Variants in FANCI observed in about 807,000 individuals in gnomAD.
FANCI encodes the protein FA complementation group I.
A neutral mutation model predicts 176.1 loss-of-function variants in FANCI; 156 were observed. The observed-to-expected ratio is 0.89, with a 90% CI of 0.78 to 1.01. The LOEUF (loss-of-function observed/expected upper bound fraction) is 1.01. Among genes scored for constraint, FANCI ranks in the 50% least tolerant of loss-of-function variants. The probability of loss-of-function intolerance (pLI) is 0.00; values close to 1 mark genes in which losing one functional copy is unlikely to be tolerated. For missense variants in FANCI, 1,678 were observed against 1,534.1 expected (o/e 1.09, Z -1.57); for synonymous variants, 613 against 541.7 (o/e 1.13, Z -1.83).
In FANCI at chr15:89,292,779, A is replaced by G. The variant is rs1489220940; in HGVS notation, c.2084A>G (p.Glu695Gly). The change falls in exon 21 of 38, where the codon GAA becomes GGA. Residue 695 changes from glutamate (E) to glycine (G), a missense_variant. Glu to Gly is a moderately conservative substitution (Grantham distance 98). Coordinates refer to ENST00000310775, the MANE Select transcript of FANCI (RefSeq NM_001113378.2). ...CAGGGAGAGGAGGAAGAGGAGGAGG[A>G]AGAGGCATTCTACGAAGACCTAGAT... The part of the protein sequence containing the change: ...LQQGEEEEEE[E>G]EAFYEDLDDI... The G allele has an allele frequency of 6.2e-7, 1 of 1,614,016 alleles. No individual in the cohort carries two copies. Among genetic ancestry groups the G allele is most frequent in the Non-Finnish European group, 8.5e-7 (1 of 1,179,966 alleles).
chr15:89,294,141 A>C, intron 23 of FANCI, 144 bp downstream of exon 23: 1 of 896,628 alleles, frequency 1.1e-6, no homozygotes, highest in Non-Finnish European at 1.8e-6. Flanking sequence ...AAAGCTGGAC[A>C]ATCCTAGGTA....
At position 89,281,263 on chromosome 15, in the gene FANCI, C is replaced by G; in HGVS notation, c.1475C>G (p.Pro492Arg). The change falls in exon 15 of 38, where the codon CCC (proline) becomes CGC (arginine). Residue 492 changes from proline (P) to arginine (R), a missense_variant. Physicochemically the swap from Pro to Arg is moderately radical, Grantham distance 103. Coordinates refer to ENST00000310775, the MANE Select transcript of FANCI (RefSeq NM_001113378.2). ...GCTTTTGACTATTTGTCCTTTCTGC[C>G]CCTTCAGACTGTACAAAGGCTGCTT... is the stretch of plus-strand genomic sequence containing the variant. ...TEAFDYLSFL[P>R]LQTVQRLLKA... 2.5e-6 allele frequency: 4 copies of G among 1,613,816 alleles called. No homozygotes were observed. Among genetic ancestry groups the G allele is most frequent in the Non-Finnish European group, 3.4e-6 (4 of 1,179,850 alleles).
At chr15:89,290,682 A>C (rs966614756) in intron 19 of FANCI, 2 of 182,488 alleles carry the variant, frequency 1.1e-5, no homozygotes, top group Non-Finnish European at 2.3e-5. Flanking sequence ...TCCTTTCTGC[A>C]CTTTTCAGTT....
intron 1 of FANCI, among the ~76,000 whole-genome samples, chr15:89,246,201 T>C (rs2051961408): frequency 6.6e-6 from 1 of 152,194 alleles, no homozygotes; most frequent in Admixed American, 6.5e-5. Flanking sequence ...ACTCACTGAA[T>C]TCTATCTGCT....
Position 89,306,028 on chromosome 15 carries a change from C to G in FANCI, c.3371C>G (p.Thr1124Ser). 6 of 1,614,178 alleles carry G rather than the reference C, an allele frequency of 3.7e-6. 1 individual carries two copies. Among genetic ancestry groups the G allele is most frequent in the African/African-American group, 2.7e-5 (2 of 75,044 alleles). Residue 1124 changes from threonine (T) to serine (S), a missense_variant, in exon 32 of 38, where the codon ACC (threonine) becomes AGC (serine). Physicochemically the swap from Thr to Ser is moderately conservative, Grantham distance 58 (BLOSUM62 1). Coordinates refer to ENST00000310775, the MANE Select transcript of FANCI (RefSeq NM_001113378.2). ...TLSEEASSQA[T>S]LPNQPVEKAI... The stretch of plus-strand genomic sequence containing the variant: ...TTAGAAGAGGCCTCTTCTCAGGCAA[C>G]CCTACCAAATCAGCCTGTTGAGAAA...
At chr15:89,304,175 T>G (rs1479133689) in intron 28 of FANCI, among the ~76,000 whole-genome samples, 1 of 152,224 alleles carries the variant, frequency 6.6e-6, no homozygotes, top group Non-Finnish European at 1.5e-5. Flanking sequence ...AACATATGCC[T>G]ATGACTCAAC....
intron 10 of FANCI, 126 bp downstream of exon 10, chr15:89,268,651 C>A: frequency 6.4e-6 from 6 of 935,700 alleles, no homozygotes; most frequent in Middle Eastern, 3.5e-4. Context: ...TGGAGGATCT[C>A]TTTTTTTTTT....
chr15:89,255,700 G>A (rs769023475), intron 2 of FANCI, among the ~76,000 whole-genome samples: 9 of 152,156 alleles, frequency 5.9e-5, no homozygotes, highest in Admixed American at 1.3e-4. Flanking sequence ...TGTTAACTTG[G>A]TAGTTACAGT....
intron 3 of FANCI, among the ~76,000 whole-genome samples, chr15:89,260,056 T>G (rs1392644924): frequency 1.3e-5 from 2 of 152,162 alleles, no homozygotes; most frequent in African/African-American, 4.8e-5. Flanking sequence ...ACCGCCAAAC[T>G]GTTTTCCAAT....
In FANCI at chr15:89,263,909, C is replaced by T; in HGVS notation, c.552C>T (p.Val184=). Residue 184 remains valine, a synonymous_variant, in exon 8 of 38, where the codon GTC becomes GTT. Coordinates refer to ENST00000310775, the MANE Select transcript of FANCI (RefSeq NM_001113378.2). ...TAGAATCTTTGATCCACAGGGATGT[C>T]CCTCTGACTGCAGAAGAGGTGGAAT... The part of the protein sequence containing the change: ...VIQLTSMFKD[V]PLTAEEVEFV... 6.2e-7 allele frequency: 1 copy of T among 1,614,076 alleles called. No individual in the cohort carries two copies. Among genetic ancestry groups the T allele is most frequent in the Non-Finnish European group, 8.5e-7 (1 of 1,179,950 alleles).
intron 34 of FANCI, 103 bp downstream of exon 34, chr15:89,307,775 C>G: frequency 6.3e-7 from 1 of 1,590,030 alleles, no homozygotes; most frequent in Non-Finnish European, 8.6e-7. Context: ...AAACTTTTTT[C>G]CCTGCTTACC....
At chr15:89,251,416 T>C (rs2052244375) in intron 2 of FANCI, among the ~76,000 whole-genome samples, 1 of 152,192 alleles carries the variant, frequency 6.6e-6, no homozygotes, top group South Asian at 2.1e-4. Flanking sequence ...CTACATAAAT[T>C]GTTTTAGAGC....
chr15:89,287,926 A>G (rs956845061), intron 18 of FANCI, among the ~76,000 whole-genome samples: 1 of 152,090 alleles, frequency 6.6e-6, no homozygotes, highest in Non-Finnish European at 1.5e-5. Context: ...ATCATTTATC[A>G]TAGATCCCCA....
At chr15:89,249,355 CTTTA>C (rs1026432738) in intron 2 of FANCI, among the ~76,000 whole-genome samples, 9 of 152,120 alleles carry the variant, frequency 5.9e-5, no homozygotes, top group African/African-American at 1.9e-4. Flanking sequence ...CAGTATTTAA[CTTTA>C]TTTATTTAAA....
chr15:89,253,019 A>C (rs900541708), intron 2 of FANCI, among the ~76,000 whole-genome samples: 20 of 152,254 alleles, frequency 1.3e-4, no homozygotes, highest in African/African-American at 4.6e-4. Flanking sequence ...GCTCTGAGAG[A>C]GGATTAACCA....
intron 32 of FANCI, 25 bp downstream of exon 32, chr15:89,306,219 C>G (rs751251565): frequency 2.5e-6 from 4 of 1,611,676 alleles, no homozygotes; most frequent in Non-Finnish European, 2.5e-6. Context: ...CAAGCAGATT[C>G]GCCCCACCAT....
intron 1 of FANCI, 42 bp downstream of exon 1, chr15:89,244,075 G>T (rs1373409464): frequency 6.6e-6 from 1 of 152,662 alleles, no homozygotes; most frequent in Non-Finnish European, 1.5e-5. Context: ...GAGGTGCTCG[G>T]GCTGTGGGAC....
intron 6 of FANCI, among the ~76,000 whole-genome samples, chr15:89,262,470 A>C (rs888328449): frequency 5.3e-5 from 8 of 152,186 alleles, no homozygotes; most frequent in Admixed American, 5.2e-4. Flanking sequence ...ATTTATACCT[A>C]TTAAAAGTGA....
intron 1 of FANCI, chr15:89,245,215 CTGG>C (rs2051900036): frequency 6.6e-6 from 1 of 150,932 alleles, no homozygotes; most frequent in Non-Finnish European, 1.5e-5. Context: ...TGTTGCCAGG[CTGG>C]AGTGCAGTGG....
Sources: gnomAD v4.1 joint callset for allele counts (sites outside exome capture counted in the v4.1 genomes callset) on GRCh38, gnomAD v4.1.1 for gene constraint, MANE v1.5 for transcripts, NCBI Gene and HGNC (gene_info 2026-07-23, HGNC 2026-07-21) for gene names.